The following CFAP299 variants were observed in gnomAD, a reference collection of about 807,000 sequenced individuals.
The protein encoded by CFAP299 is cilia- and flagella-associated protein 299.
CFAP299 carries 21 observed loss-of-function variants against 27.0 expected under a neutral mutation model. That is an observed-to-expected ratio of 0.78 (90% CI 0.55 to 1.12). The LOEUF (loss-of-function observed/expected upper bound fraction) is 1.12. Among genes scored for constraint, CFAP299 ranks in the 50% most tolerant of loss-of-function variants. CFAP299 has a pLI of 0.00. For synonymous variants in CFAP299, 104 were observed against 98.1 expected, an observed-to-expected ratio of 1.06 and a Z score of -0.36; for missense variants, 310 against 276.6, an observed-to-expected ratio of 1.12 and a Z score of -0.86.
At chr4:80,926,769 A>G (rs1736328416) in intron 4 of CFAP299, among the ~76,000 whole-genome samples, 1 of 152,132 alleles carries the variant, frequency 6.6e-6, no homozygotes, top group Non-Finnish European at 1.5e-5. Context: ...TGAGAGTACA[A>G]TGGAAAGAGT....
chr4:80,618,053 C>G (rs1314616730), intron 3 of CFAP299, among the ~76,000 whole-genome samples: 1 of 152,074 alleles, frequency 6.6e-6, no homozygotes, highest in African/African-American at 2.4e-5. Flanking sequence ...GATGTATGGT[C>G]ATTTGCATAC....
At chr4:80,383,369 A>G (rs1447331623) in intron 2 of CFAP299, among the ~76,000 whole-genome samples, 1 of 152,158 alleles carries the variant, frequency 6.6e-6, no homozygotes, top group African/African-American at 2.4e-5. Context: ...AGAAAGAAAA[A>G]TATTGACGTC....
At chr4:80,946,312 G>C (rs1737474489) in intron 5 of CFAP299, among the ~76,000 whole-genome samples, 5 of 152,070 alleles carry the variant, frequency 3.3e-5, no homozygotes, top group Non-Finnish European at 7.4e-5. Flanking sequence ...ACAGTCATCT[G>C]GGCCAGGGTG....
At chr4:80,544,113 T>A (rs966531063) in intron 2 of CFAP299, among the ~76,000 whole-genome samples, 1 of 152,118 alleles carries the variant, frequency 6.6e-6, no homozygotes, top group African/African-American at 2.4e-5. Context: ...CCAAACTTTA[T>A]AAGCAAAGGA....
intron 2 of CFAP299, among the ~76,000 whole-genome samples, chr4:80,534,138 G>T (rs1257560759): frequency 6.6e-6 from 1 of 151,854 alleles, no homozygotes; most frequent in Non-Finnish European, 1.5e-5. Context: ...TTATTTCTGG[G>T]AGGTGGAACT....
At chr4:80,824,481 T>C (rs1431656677) in intron 3 of CFAP299, among the ~76,000 whole-genome samples, 4 of 152,150 alleles carry the variant, frequency 2.6e-5, no homozygotes, top group Non-Finnish European at 5.9e-5. Context: ...TTCTGCATGA[T>C]TGTAAGCTCC....
At chr4:80,453,999 C>T (rs192354054) in intron 2 of CFAP299, among the ~76,000 whole-genome samples, 49 of 151,978 alleles carry the variant, frequency 3.2e-4, no homozygotes, top group Middle Eastern at 3.4e-3. Flanking sequence ...ATACTGATCA[C>T]GTGTTGTTAT....
At chr4:80,693,570 T>A (rs1342994662) in intron 3 of CFAP299, among the ~76,000 whole-genome samples, 1 of 135,698 alleles carries the variant, frequency 7.4e-6, no homozygotes, top group Non-Finnish European at 1.6e-5. Flanking sequence ...GGGGGAGGGA[T>A]AGCATTGGGA....
At chr4:80,363,210 C>A (rs1448918991) in intron 2 of CFAP299, among the ~76,000 whole-genome samples, 1 of 152,092 alleles carries the variant, frequency 6.6e-6, no homozygotes, top group East Asian at 1.9e-4. Context: ...CCTTAGAATT[C>A]TTTGTACTTT....
At chr4:80,664,918 T>G (rs1180445824) in intron 3 of CFAP299, among the ~76,000 whole-genome samples, 2 of 152,194 alleles carry the variant, frequency 1.3e-5, no homozygotes, top group Admixed American at 1.3e-4. Context: ...AAGCGTAGTT[T>G]CTGGGCCAGA....
chr4:80,879,699 A>T lies in CFAP299; in HGVS notation c.476+9564A>T, dbSNP rs554285304. 8.5e-5 allele frequency among the ~76,000 whole-genome samples: 13 copies of T among 152,304 alleles called. No individual in the cohort carries two copies. In the East Asian group the frequency reaches 2.5e-3, roughly 29 times the overall value. ...AAGCAGATAAGCCCTCAAGATGTGT[A>T]ATTTTAATTAATGAACATACTTTAC... On this transcript the variant is annotated intron_variant, in intron 4 of 5. Coordinates refer to ENST00000358105, the MANE Select transcript of CFAP299 (RefSeq NM_152770.3).
At chr4:80,754,298 G>A (rs1476723085) in intron 3 of CFAP299, among the ~76,000 whole-genome samples, 1 of 152,034 alleles carries the variant, frequency 6.6e-6, no homozygotes, top group African/African-American at 2.4e-5. Context: ...TCACATTTAG[G>A]TCTTTCCTTT....
intron 3 of CFAP299, among the ~76,000 whole-genome samples, chr4:80,637,615 G>A (rs187884334): frequency 1.2e-3 from 181 of 152,234 alleles, no homozygotes; most frequent in Middle Eastern, 3.4e-3. Flanking sequence ...AGCCAAACTC[G>A]TTTACTTGTC....
Position 80,871,248 on chromosome 4 carries a change from C to G in CFAP299, c.476+1113C>G, listed in dbSNP as rs947250147. 12 of 985,382 alleles carry G rather than the reference C, an allele frequency of 1.2e-5. No individual in the cohort carries two copies. In the African/African-American group the frequency reaches 1.9e-4, roughly 16 times the overall value. The allele number at this position is 985,382 out of a possible 1,614,324, so 61.0% of individuals were successfully genotyped here. ...TGGACTTAGCTCTTTCCTGTCCTAC[C>G]TAGGATAACATTTCATTTAACTTCT... On this transcript the variant is annotated intron_variant, in intron 4 of 5. Transcript: ENST00000358105.
Position 80,856,095 on chromosome 4 carries a change from C to T in CFAP299, c.334-13898C>T, listed in dbSNP as rs1015895604. Among the ~76,000 whole-genome samples the T allele has an allele frequency of 2.9e-4, 44 of 151,608 alleles. 1 individual carries two copies. The highest frequency in any genetic ancestry group is 8.5e-4 in the African/African-American group (35 of 41,190). ...TGTTTCCTGACTTTTTAATGATTGC[C>T]ATTCTAACTGGTATGAGATGATATC... is the stretch of plus-strand genomic sequence containing the variant. On this transcript the variant is annotated intron_variant, in intron 3 of 5. Transcript: ENST00000358105.
intron 2 of CFAP299, among the ~76,000 whole-genome samples, chr4:80,544,108 CTT>C (rs1359676734): frequency 6.6e-6 from 1 of 152,132 alleles, no homozygotes; most frequent in Non-Finnish European, 1.5e-5. Flanking sequence ...CCAAACCAAA[CTT>C]TATAAGCAAA....
intron 3 of CFAP299, among the ~76,000 whole-genome samples, chr4:80,682,575 AT>A (rs34105611): frequency 0.89 from 132,170 of 148,838 alleles, 58,784 homozygotes; most frequent in East Asian, 0.98. Context: ...TGCATACCAC[AT>A]TTTTTTTTTT....
At chr4:80,528,290 C>T (rs1203624480) in intron 2 of CFAP299, among the ~76,000 whole-genome samples, 1 of 151,960 alleles carries the variant, frequency 6.6e-6, no homozygotes, top group African/African-American at 2.4e-5. Flanking sequence ...CGAATATTTC[C>T]TACACATGCT....
intron 4 of CFAP299, among the ~76,000 whole-genome samples, chr4:80,934,300 A>G (rs1284012425): frequency 6.6e-6 from 1 of 152,112 alleles, no homozygotes; most frequent in Non-Finnish European, 1.5e-5. Context: ...TAGATATACC[A>G]TTCAATTTAG....
Sources: gnomAD v4.1 joint callset for allele counts (sites outside exome capture counted in the v4.1 genomes callset) on GRCh38, gnomAD v4.1.1 for gene constraint, MANE v1.5 for transcripts, NCBI Gene and HGNC (gene_info 2026-07-23, HGNC 2026-07-21) for gene names.